The following DAAM1 variants were observed in gnomAD, a reference collection of about 807,000 sequenced individuals.
The protein encoded by DAAM1 is disheveled-associated activator of morphogenesis 1.
In DAAM1, 52 loss-of-function variants were observed where a neutral mutation model predicts 130.0. That is an observed-to-expected ratio of 0.40 (90% CI 0.32 to 0.50). The LOEUF is 0.50. DAAM1 is among the 20% of genes least tolerant of loss of function. The probability of loss-of-function intolerance (pLI) is 0.61; values close to 1 mark genes in which losing one functional copy is unlikely to be tolerated. For synonymous variants in DAAM1, 452 were observed against 444.5 expected (o/e 1.02, Z -0.21); for missense variants, 1,134 against 1,303.8 (o/e 0.87, Z 2.01).
rs1885531456 is a variant in DAAM1, at chr14:59,333,849, T to C, written c.1968+1929T>C. On this transcript the variant is annotated intron_variant, in intron 15 of 24. Coordinates refer to ENST00000360909, the MANE Select transcript of DAAM1 (RefSeq NM_001270520.2). ...AAGGTGCAGAAGGATACTGCCAAAATGCTCTGGGACAAATATGTGGACAGT... is the reference window on the plus strand; with the variant it reads ...AAGGTGCAGAAGGATACTGCCAAAACGCTCTGGGACAAATATGTGGACAGT... Among the ~76,000 whole-genome samples the C allele has an allele frequency of 2.6e-5, 4 of 152,330 alleles. No homozygotes were observed. The South Asian group carries it at 8.3e-4, about 32-fold the overall frequency.
rs12323336 is a variant in DAAM1 at position 59,196,552 on chromosome 14, G to T, written c.-38+7784G>T. On this transcript the variant is annotated intron_variant, in intron 1 of 24. Coordinates refer to ENST00000360909, the MANE Select transcript of DAAM1 (RefSeq NM_001270520.2). ...AGGTCAGGAAGTCGAGACCATTCTG[G>T]CTAACACGGTGAAACCCCATCTCTA... Among the ~76,000 whole-genome samples, 411 of 152,236 alleles carry T rather than the reference G, an allele frequency of 2.7e-3. 2 individuals carry two copies. Among genetic ancestry groups the T allele is most frequent in the African/African-American group, 9.4e-3 (392 of 41,548 alleles).
intron 2 of DAAM1, among the ~76,000 whole-genome samples, chr14:59,279,139 T>C (rs1436130545): frequency 6.6e-6 from 1 of 152,174 alleles, no homozygotes; most frequent in Non-Finnish European, 1.5e-5. Flanking sequence ...ATGTTTATAG[T>C]TGTTAACCAT....
Position 59,324,206 on chromosome 14 carries a change from A to T in DAAM1, c.853A>T (p.Ile285Phe). ...TCTCAAGACTGCCATCATGTCCTTC[A>T]TTAATGCAGTGCTCAGCCAAGGTGC... ...VSLKTAIMSF[I>F]NAVLSQGAGV... The change falls in exon 7 of 25, where the codon ATT becomes TTT. Residue 285 changes from isoleucine (I) to phenylalanine (F), a missense_variant. Transcript: ENST00000360909. 2 of 1,464,594 alleles carry T rather than the reference A, an allele frequency of 1.4e-6. No individual in the cohort carries two copies. The highest frequency in any genetic ancestry group is 1.8e-6 in the Non-Finnish European group (2 of 1,100,644). 90.7% of individuals were successfully genotyped at this position (1,464,594 alleles called of 1,614,324 possible). A position where few individuals can be genotyped will look rare whatever the true frequency, so the allele number is the denominator to read the frequency against.
intron 8 of DAAM1, 67 bp from the exon 9 acceptor site, chr14:59,325,597 C>A: frequency 7.4e-7 from 1 of 1,351,940 alleles, no homozygotes; most frequent in Non-Finnish European, 1.0e-6. Context: ...ATATTAATGT[C>A]CTCAGTCTTA....
intron 2 of DAAM1, among the ~76,000 whole-genome samples, chr14:59,270,433 G>C (rs1414572483): frequency 8.5e-5 from 13 of 152,060 alleles, no homozygotes. Context: ...GGGAACTAAT[G>C]GAGCTAGAAC....
intron 3 of DAAM1, chr14:59,299,818 C>A (rs896909112): frequency 1.3e-5 from 2 of 152,144 alleles, no homozygotes; most frequent in African/African-American, 4.8e-5. Flanking sequence ...AATTAAGGAA[C>A]ACCCTTAATT....
At chr14:59,191,406 A>G (rs1247673099) in intron 1 of DAAM1, among the ~76,000 whole-genome samples, 1 of 152,066 alleles carries the variant, frequency 6.6e-6, no homozygotes, top group Non-Finnish European at 1.5e-5. Context: ...CATTTAGAGC[A>G]GTTTGTTCAT....
chr14:59,245,104 A>T (rs1380863124), intron 1 of DAAM1, among the ~76,000 whole-genome samples: 1 of 152,240 alleles, frequency 6.6e-6, no homozygotes, highest in Non-Finnish European at 1.5e-5. Flanking sequence ...AAATGAATGT[A>T]TAGGAGTTAA....
chr14:59,355,403 T>G, intron 20 of DAAM1, 70 bp downstream of exon 20: 1 of 1,576,592 alleles, frequency 6.3e-7, no homozygotes, highest in Non-Finnish European at 8.6e-7. Context: ...TATGCCTCTC[T>G]GGTCCTCCTC....
intron 2 of DAAM1, among the ~76,000 whole-genome samples, chr14:59,278,730 A>G (rs1299326250): frequency 6.6e-6 from 1 of 152,186 alleles, no homozygotes; most frequent in Non-Finnish European, 1.5e-5. Flanking sequence ...ATACACACTA[A>G]TATAATTTAT....
intron 22 of DAAM1, among the ~76,000 whole-genome samples, chr14:59,361,816 C>CAGCTTG (rs1462792981): frequency 3.9e-5 from 6 of 152,178 alleles, no homozygotes; most frequent in African/African-American, 1.4e-4. Flanking sequence ...GATTTGCAGG[C>CAGCTTG]AGCTTGGAAA....
At chr14:59,355,925 AT>A (rs1432934475) in intron 20 of DAAM1, among the ~76,000 whole-genome samples, 5 of 152,232 alleles carry the variant, frequency 3.3e-5, no homozygotes, top group Non-Finnish European at 7.3e-5. Flanking sequence ...GTATAAATGC[AT>A]TTTGGCTATT....
At chr14:59,238,852 C>G (rs1889388359) in intron 1 of DAAM1, among the ~76,000 whole-genome samples, 1 of 151,988 alleles carries the variant, frequency 6.6e-6, no homozygotes, top group Non-Finnish European at 1.5e-5. Context: ...TCATTTATTT[C>G]AAAGATAATT....
At chr14:59,330,763 G>C in intron 13 of DAAM1, 75 bp downstream of exon 13, 1 of 1,402,602 alleles carries the variant, frequency 7.1e-7, no homozygotes, top group Non-Finnish European at 9.6e-7. Flanking sequence ...CTTAAGTAGA[G>C]AACTTCATAC....
At chr14:59,284,917 C>G (rs1036376907) in intron 2 of DAAM1, among the ~76,000 whole-genome samples, 2 of 152,152 alleles carry the variant, frequency 1.3e-5, no homozygotes, top group African/African-American at 4.8e-5. Context: ...TTTCCCCAGT[C>G]TCACTAGAGG....
At chr14:59,240,952 T>C (rs2139461152) in intron 1 of DAAM1, among the ~76,000 whole-genome samples, 1 of 152,332 alleles carries the variant, frequency 6.6e-6, no homozygotes, top group South Asian at 2.1e-4. Flanking sequence ...AAGAGACATG[T>C]CCATTAGAGC....
At chr14:59,363,267 T>G in intron 22 of DAAM1, 1 of 175,970 alleles carries the variant, frequency 5.7e-6, no homozygotes, top group Non-Finnish European at 1.2e-5. Flanking sequence ...ATTCTAAGCA[T>G]GGAATATTGA....
chr14:59,244,223 CTG>C (rs1209142283), intron 1 of DAAM1, among the ~76,000 whole-genome samples: 2 of 149,040 alleles, frequency 1.3e-5, no homozygotes, highest in Non-Finnish European at 3.0e-5. Flanking sequence ...CTATGTGGCA[CTG>C]TGAGTCCACT....
Position 59,352,570 on chromosome 14 carries a change from G to T in DAAM1, c.2205G>T (p.Glu735Asp). 4 of 1,613,554 alleles carry T rather than the reference G, an allele frequency of 2.5e-6. No individual in the cohort carries two copies. The highest frequency in any genetic ancestry group is 3.4e-6 in the Non-Finnish European group (4 of 1,179,782). The change falls in exon 18 of 25, where the codon GAG (glutamate) becomes GAT (aspartate). Residue 735 changes from glutamate to aspartate, a missense_variant. Around this residue, in one of 3 missense-constraint regions of DAAM1, gnomAD observed 644 missense variants for 695.9 expected, o/e 0.93. Transcript: ENST00000360909. Reference sequence around the variant, plus strand: ...AAAAAAGTGACATTGACCTATTGGAGGAACATAAACACGAACTGGATCGGA... The same window carrying T: ...AAAAAAGTGACATTGACCTATTGGATGAACATAAACACGAACTGGATCGGA... ...VPEKSDIDLL[E>D]EHKHELDRMA...
Sources: gnomAD v4.1 joint callset for allele counts (sites outside exome capture counted in the v4.1 genomes callset) on GRCh38, gnomAD v4.1.1 for gene constraint, gnomAD v4.1.1 regional missense constraint, MANE v1.5 for transcripts, NCBI Gene and HGNC (gene_info 2026-07-23, HGNC 2026-07-21) for gene names.